The following FAM120A variants were observed in gnomAD, a reference collection of about 807,000 sequenced individuals.
FAM120A encodes family with sequence similarity 120 member A.
A neutral mutation model predicts 109.7 loss-of-function variants in FAM120A; 15 were observed. The observed-to-expected ratio is 0.14, with a 90% confidence interval of 0.09 to 0.21. The LOEUF is 0.21. FAM120A is among the 10% of genes least tolerant of loss of function. The probability of loss-of-function intolerance (pLI) is 1.00; values close to 1 mark genes in which losing one functional copy is unlikely to be tolerated. For missense variants in FAM120A, 899 were observed against 1,439.3 expected, an observed-to-expected ratio of 0.62 and a Z score of 6.07; for synonymous variants, 493 against 572.8, an observed-to-expected ratio of 0.86 and a Z score of 1.99.
chr9:93,519,588 G>A (rs2131424360), intron 7 of FAM120A, among the ~76,000 whole-genome samples: 1 of 152,188 alleles, frequency 6.6e-6, no homozygotes, highest in African/African-American at 2.4e-5. Context: ...GAGGCGATTG[G>A]CCTTCTAGAT....
chr9:93,465,118 A>G (rs1857962343), intron 1 of FAM120A, among the ~76,000 whole-genome samples: 1 of 152,200 alleles, frequency 6.6e-6, no homozygotes, highest in African/African-American at 2.4e-5. Flanking sequence ...GTCAGACCAA[A>G]GCTTCAGCCC....
chr9:93,452,582 G>T lies in FAM120A; in HGVS notation c.474+193G>T, dbSNP rs901687071. 1.3e-6 allele frequency: 2 copies of T among 1,596,690 alleles called. No individual in the cohort carries two copies. The highest frequency in any genetic ancestry group is 1.3e-5 in the African/African-American group (1 of 74,880). On this transcript the variant is annotated intron_variant, in intron 1 of 17. Coordinates refer to ENST00000277165, the MANE Select transcript of FAM120A (RefSeq NM_014612.5). This position sits in a 1 kb window ranked among gnomAD's most constrained non-coding sequence, Gnocchi z 7.0. The stretch of plus-strand genomic sequence containing the variant: ...CGGGTGCAGGCCGCGCGCTGCCCAA[G>T]CCCGTCTCCAGCTGTCCCTGTTCGG...
At chr9:93,502,565 TACACACACACACACAC>T (rs6151079) in intron 5 of FAM120A, among the ~76,000 whole-genome samples, 3 of 146,692 alleles carry the variant, frequency 2.0e-5, no homozygotes, top group Non-Finnish European at 3.0e-5. Context: ...GGAGGACACA[TACACACACACACACAC>T]ACACACACAC....
intron 12 of FAM120A, among the ~76,000 whole-genome samples, chr9:93,554,118 G>GACAC (rs1198300929): frequency 6.6e-5 from 2 of 30,426 alleles, no homozygotes; most frequent in South Asian, 9.4e-4. Context: ...AAGGCCATTT[G>GACAC]ATACACACAC....
chr9:93,554,120 T>TACACACACACAC (rs10672125), intron 12 of FAM120A, among the ~76,000 whole-genome samples: 5,114 of 87,338 alleles, frequency 0.059, 713 homozygotes, highest in Non-Finnish European at 0.068. Flanking sequence ...GGCCATTTGA[T>TACACACACACAC]ACACACACAC....
Position 93,500,057 on chromosome 9 carries a change from G to GT in FAM120A, c.1030+1172dup, listed in dbSNP as rs1859734578. On this transcript the variant is annotated intron_variant, in intron 5 of 17. Coordinates refer to ENST00000277165, the MANE Select transcript of FAM120A (RefSeq NM_014612.5). The surrounding 1 kb of genome is among the most constrained non-coding windows in gnomAD (Gnocchi z 4.6). ...CTTGTAACCTGGAGATGGGCATGGAGTGGCTGAATCTCCACTGCGAGGTCA... is the reference window on the plus strand; with the variant it reads ...CTTGTAACCTGGAGATGGGCATGGAGTTGGCTGAATCTCCACTGCGAGGTCA... Among the ~76,000 whole-genome samples the GT allele has an allele frequency of 6.6e-6, 1 of 152,252 alleles. No individual in the cohort carries two copies. Among genetic ancestry groups the GT allele is most frequent in the African/African-American group, 2.4e-5 (1 of 41,476 alleles).
chr9:93,560,432 G>T (rs1380493401), intron 15 of FAM120A, among the ~76,000 whole-genome samples: 1 of 152,124 alleles, frequency 6.6e-6, no homozygotes, highest in African/African-American at 2.4e-5. Context: ...TAAGCTTGTT[G>T]TAGGTTTCTG....
intron 10 of FAM120A, among the ~76,000 whole-genome samples, chr9:93,535,964 C>T (rs1415237138): frequency 6.6e-6 from 1 of 152,162 alleles, no homozygotes; most frequent in Non-Finnish European, 1.5e-5. Flanking sequence ...CCTGCTCAGG[C>T]CATTGATTTA....
chr9:93,480,154 C>G (rs920933763), intron 3 of FAM120A, among the ~76,000 whole-genome samples: 4 of 152,148 alleles, frequency 2.6e-5, no homozygotes, highest in Admixed American at 6.5e-5. Context: ...ACCTTAAGAG[C>G]TGCTAGTAAG....
chr9:93,455,374 C>G (rs1857506100), intron 1 of FAM120A, among the ~76,000 whole-genome samples: 1 of 152,122 alleles, frequency 6.6e-6, no homozygotes, highest in African/African-American at 2.4e-5. Context: ...AAGGGGACAG[C>G]AGGAGAGATC....
intron 1 of FAM120A, among the ~76,000 whole-genome samples, chr9:93,464,495 T>G (rs540092737): frequency 3.9e-5 from 6 of 152,234 alleles, no homozygotes; most frequent in Admixed American, 2.0e-4. Flanking sequence ...CTGAGAAGTG[T>G]TGTGATTCCC....
rs774150537 is a variant in FAM120A, at chr9:93,545,780, C to CTTTTTTTTT, written c.2159+2327_2159+2335dup. 5.0e-3 allele frequency among the ~76,000 whole-genome samples: 327 copies of CTTTTTTTTT among 65,492 alleles called. 32 individuals carry two copies. The highest frequency in any genetic ancestry group is 5.8e-3 in the Non-Finnish European group (200 of 34,760). The allele number at this position is 65,492 out of a possible 152,430, so 43.0% of individuals were successfully genotyped here. A position where few individuals can be genotyped will look rare whatever the true frequency, so the allele number is the denominator to read the frequency against. On this transcript the variant is annotated intron_variant, in intron 11 of 17. Transcript: ENST00000277165. ...GAAGACTGGCTGATGGGAAAGACTCCTTTTTTTTTTTTTTTTTTTTTTTTT... is the reference window on the plus strand; with the variant it reads ...GAAGACTGGCTGATGGGAAAGACTCCTTTTTTTTTTTTTTTTTTTTTTTTTTTTTTTTTT...
chr9:93,535,613 A>G (rs879346137), intron 10 of FAM120A, among the ~76,000 whole-genome samples: 6 of 152,230 alleles, frequency 3.9e-5, no homozygotes, highest in Non-Finnish European at 8.8e-5. Context: ...TTTTGTAAGC[A>G]GCTTTAGAAT....
rs774150537 is a variant in FAM120A, at chr9:93,545,780, C to CTTTTTTTTTTTTTTTTT, written c.2159+2319_2159+2335dup. On this transcript the variant is annotated intron_variant, in intron 11 of 17. Transcript: ENST00000277165. ...GAAGACTGGCTGATGGGAAAGACTC[C>CTTTTTTTTTTTTTTTTT]TTTTTTTTTTTTTTTTTTTTTTTTT... Among the ~76,000 whole-genome samples the CTTTTTTTTTTTTTTTTT allele has an allele frequency of 9.0e-3, 587 of 65,504 alleles. 92 individuals are homozygous for CTTTTTTTTTTTTTTTTT. Among genetic ancestry groups the CTTTTTTTTTTTTTTTTT allele is most frequent in the Non-Finnish European group, 0.013 (452 of 34,764 alleles). The allele number at this position is 65,504 out of a possible 152,430, so 43.0% of individuals were successfully genotyped here.
intron 10 of FAM120A, among the ~76,000 whole-genome samples, chr9:93,533,777 C>T (rs1051934781): frequency 1.3e-5 from 2 of 152,184 alleles, no homozygotes; most frequent in Non-Finnish European, 2.9e-5. Context: ...GTCCCAAATC[C>T]TGTGACATCC....
intron 12 of FAM120A, among the ~76,000 whole-genome samples, chr9:93,553,217 T>G (rs1429828724): frequency 6.6e-6 from 1 of 152,184 alleles, no homozygotes; most frequent in Admixed American, 6.5e-5. Context: ...CACTGACCCC[T>G]GTGTTTTGAG....
At chr9:93,501,316 T>C (rs149659982) in intron 5 of FAM120A, among the ~76,000 whole-genome samples, 55 of 152,352 alleles carry the variant, frequency 3.6e-4, no homozygotes, top group African/African-American at 1.3e-3. Context: ...ATTATGAAGA[T>C]GTTTTGAATA....
At position 93,532,984 on chromosome 9, in the gene FAM120A, G is replaced by T. The variant is rs1275967800; in HGVS notation, c.1909+655G>T. ...AAAGCATTTTTCTTTATCTTCTAGTGGGCCTGTGTAATACTTGGAGAAAAT... is the reference window on the plus strand; with the variant it reads ...AAAGCATTTTTCTTTATCTTCTAGTTGGCCTGTGTAATACTTGGAGAAAAT... On this transcript the variant is annotated intron_variant, in intron 10 of 17. Coordinates refer to ENST00000277165, the MANE Select transcript of FAM120A (RefSeq NM_014612.5). This position sits in a 1 kb window ranked among gnomAD's most constrained non-coding sequence, Gnocchi z 4.3. Among the ~76,000 whole-genome samples, 2 of 152,110 alleles carry T rather than the reference G, an allele frequency of 1.3e-5. No individual in the cohort carries two copies. The highest frequency in any genetic ancestry group is 2.9e-5 in the Non-Finnish European group (2 of 68,014).
intron 5 of FAM120A, among the ~76,000 whole-genome samples, chr9:93,499,646 G>A (rs1466667007): frequency 6.6e-6 from 1 of 152,182 alleles, no homozygotes; most frequent in Non-Finnish European, 1.5e-5. Context: ...ATATTTATAA[G>A]CTGTTAGCCT....
Sources: allele counts gnomAD v4.1 joint callset (sites outside exome capture counted in the v4.1 genomes callset), GRCh38; gene constraint gnomAD v4.1.1; non-coding constraint Gnocchi (gnomAD v3.1); transcripts MANE v1.5; gene names NCBI Gene and HGNC (gene_info 2026-07-23, HGNC 2026-07-21).